Variants in PCDHA3 observed in about 807,000 individuals in gnomAD.
PCDHA3 encodes the protein protocadherin alpha-3.
PCDHA3 carries 41 observed loss-of-function variants against 62.2 expected under a neutral mutation model. The observed-to-expected ratio is 0.66, with a 90% CI of 0.51 to 0.86. PCDHA3 has a LOEUF of 0.86. Among genes scored for constraint, PCDHA3 ranks in the 40% least tolerant of loss-of-function variants. The pLI is 0.00. For synonymous variants in PCDHA3, 640 were observed against 555.4 expected, an observed-to-expected ratio of 1.15 and a Z score of -2.14; for missense variants, 1,304 against 1,241.2, an observed-to-expected ratio of 1.05 and a Z score of -0.76.
At chr5:141,005,303 A>T (rs2098205194) in intron 3 of PCDHA3, among the ~76,000 whole-genome samples, 2 of 152,212 alleles carry the variant, frequency 1.3e-5, no homozygotes, top group Non-Finnish European at 2.9e-5. Context: ...TGCCTTTGTG[A>T]ATCTTACAGT....
In PCDHA3 at chr5:140,871,231, C is replaced by A. The variant is rs371096811; in HGVS notation, c.2394+67640C>A. The A allele has an allele frequency of 1.9e-6, 3 of 1,613,814 alleles. No individual in the cohort carries two copies. The African/African-American group carries it at 4.0e-5, about 22-fold the overall frequency. On this transcript the variant is annotated intron_variant, in intron 1 of 3. Coordinates refer to ENST00000522353, the MANE Select transcript of PCDHA3 (RefSeq NM_018906.3). ...CGCCATCTGCGTGGTGTCCAGCCTC[C>A]TGGTACTCACGCTGCTGCTGTATAC...
At chr5:140,833,462 C>G (rs1291648288) in intron 1 of PCDHA3, among the ~76,000 whole-genome samples, 2 of 152,102 alleles carry the variant, frequency 1.3e-5, no homozygotes, top group Non-Finnish European at 2.9e-5. Context: ...AATAAACTTA[C>G]ATTTTAAAAG....
At position 140,979,365 on chromosome 5, in the gene PCDHA3, C is replaced by T. The variant is rs782063202; in HGVS notation, c.2453+358C>T. Among the ~76,000 whole-genome samples, 13 of 151,916 alleles carry T rather than the reference C, an allele frequency of 8.6e-5. 1 individual carries two copies. The highest frequency in any genetic ancestry group is 1.5e-5 in the Non-Finnish European group (1 of 67,992). On this transcript the variant is annotated intron_variant, in intron 2 of 3. Coordinates refer to ENST00000522353, the MANE Select transcript of PCDHA3 (RefSeq NM_018906.3). ...TGTAATTAATACTCATGCTTTGAGA[C>T]TTGGGTACATTGTGCAATGTATACA...
chr5:140,846,269 G>T (rs1676658281), intron 1 of PCDHA3, among the ~76,000 whole-genome samples: 1 of 148,838 alleles, frequency 6.7e-6, no homozygotes, highest in Admixed American at 6.7e-5. Context: ...ATGATTTAAA[G>T]TCAATTTATG....
rs1319882145 is a variant in PCDHA3, at chr5:140,858,933, A to G, written c.2394+55342A>G. ...GCTTATACTGCCATAGTAGATTTCA[A>G]TGTTCAGTGATTACAGCTTTTTCTC... is the stretch of plus-strand genomic sequence containing the variant. On this transcript the variant is annotated intron_variant, in intron 1 of 3. Transcript: ENST00000522353. The G allele has an allele frequency of 6.2e-5, 10 of 160,710 alleles. 1 individual carries two copies. The highest frequency in any genetic ancestry group is 2.4e-4 in the African/African-American group (10 of 41,146). The allele number at this position is 160,710 out of a possible 1,614,324, so 10.0% of individuals were successfully genotyped here. A position where few individuals can be genotyped will look rare whatever the true frequency, so the allele number is the denominator to read the frequency against.
At position 140,946,014 on chromosome 5, in the gene PCDHA3, C is replaced by T. The variant is rs116323983; in HGVS notation, c.2395-32935C>T. On this transcript the variant is annotated intron_variant, in intron 1 of 3. Coordinates refer to ENST00000522353, the MANE Select transcript of PCDHA3 (RefSeq NM_018906.3). ...ATTGCATCAAACTAAAAAGCTCCTG[C>T]GCAGCAAAGAAAACAAGAGTGAAGG... Among the ~76,000 whole-genome samples, 849 of 151,986 alleles carry T rather than the reference C, an allele frequency of 5.6e-3. 7 individuals carry two copies. The highest frequency in any genetic ancestry group is 0.02 in the African/African-American group (814 of 41,504).
chr5:140,976,507 C>T (rs868949957), intron 1 of PCDHA3, among the ~76,000 whole-genome samples: 2 of 151,968 alleles, frequency 1.3e-5, no homozygotes, highest in African/African-American at 4.8e-5. Context: ...GCCAAGATCG[C>T]GCCACTGCAC....
intron 1 of PCDHA3, among the ~76,000 whole-genome samples, chr5:140,971,300 A>T (rs555201828): frequency 2.0e-5 from 3 of 152,380 alleles, no homozygotes; most frequent in African/African-American, 7.2e-5. Flanking sequence ...ACTTTGGTAC[A>T]CAAACATTTA....
At chr5:140,830,856 TG>T (rs1370462098) in intron 1 of PCDHA3, 4 of 153,858 alleles carry the variant, frequency 2.6e-5, no homozygotes, top group African/African-American at 9.6e-5. Flanking sequence ...TACTCTTTTT[TG>T]ATCATATATT....
At chr5:140,834,683 G>C (rs2150224219) in intron 1 of PCDHA3, 51 of 1,614,138 alleles carry the variant, frequency 3.2e-5, no homozygotes, top group Non-Finnish European at 4.1e-5. Context: ...GGCGGAGCGC[G>C]GAGTGCAGCA....
At chr5:140,937,739 C>T (rs1563162684) in intron 1 of PCDHA3, among the ~76,000 whole-genome samples, 1 of 151,716 alleles carries the variant, frequency 6.6e-6, no homozygotes, top group African/African-American at 2.4e-5. Context: ...GGTGAAACCC[C>T]GTCTCTACTA....
At chr5:140,842,362 C>T (rs2150334597) in intron 1 of PCDHA3, 4 of 1,607,598 alleles carry the variant, frequency 2.5e-6, no homozygotes, top group Middle Eastern at 1.7e-4. Flanking sequence ...ATGATAACGT[C>T]CCTGAGATAG....
Position 140,843,508 on chromosome 5 carries a change from G to A in PCDHA3, c.2394+39917G>A, listed in dbSNP as rs2150361368. On this transcript the variant is annotated intron_variant, in intron 1 of 3. Transcript: ENST00000522353. ...TGCGGTGCTCAGCACTGCCCACTGA[G>A]GGCGGGTGCCGGGCGGGCAAGCCCA... 2.5e-6 allele frequency: 4 copies of A among 1,596,038 alleles called. No individual in the cohort carries two copies. The Admixed American group carries it at 6.7e-5, about 27-fold the overall frequency.
Position 140,802,367 on chromosome 5 carries a change from G to T in PCDHA3, c.1170G>T (p.Thr390=), listed in dbSNP as rs782105993. Residue 390 remains threonine (T), a synonymous_variant, in exon 1 of 4, where the codon ACG becomes ACT. Transcript: ENST00000522353. ...ATGGACAGGTCACCTGCTCGCTGAC[G>T]CCCCACGTCCCCTTCAAGCTGGTGT... is the stretch of plus-strand genomic sequence containing the variant. The part of the protein sequence containing the change: ...GVNGQVTCSL[T]PHVPFKLVST... The T allele has an allele frequency of 3.7e-6, 6 of 1,614,224 alleles. No homozygotes were observed. Among genetic ancestry groups the T allele is most frequent in the Non-Finnish European group, 3.4e-6 (4 of 1,180,042 alleles).
chr5:141,006,974 G>A (rs782657772), intron 3 of PCDHA3, among the ~76,000 whole-genome samples: 6 of 152,174 alleles, frequency 3.9e-5, no homozygotes, highest in Admixed American at 3.9e-4. Context: ...GGAGCACAGA[G>A]AGATGTGGGC....
At position 140,829,715 on chromosome 5, in the gene PCDHA3, G is replaced by A. The variant is rs2150173253; in HGVS notation, c.2394+26124G>A. On this transcript the variant is annotated intron_variant, in intron 1 of 3. Coordinates refer to ENST00000522353, the MANE Select transcript of PCDHA3 (RefSeq NM_018906.3). ...TCAGGTGAGCGCGCGCGACGCGGGC[G>A]TGCCGCCTCTGGGCAGCAACGTGAC... is the stretch of plus-strand genomic sequence containing the variant. 5.6e-6 allele frequency: 9 copies of A among 1,613,468 alleles called. No individual in the cohort carries two copies. The Admixed American group carries it at 1.0e-4, about 18-fold the overall frequency.
intron 3 of PCDHA3, among the ~76,000 whole-genome samples, chr5:141,003,650 A>G (rs2098132767): frequency 6.6e-6 from 1 of 152,170 alleles, no homozygotes; most frequent in Admixed American, 6.5e-5. Flanking sequence ...GAAGATCTGT[A>G]TGCATTTATT....
At chr5:140,926,899 G>T (rs1554203765) in intron 1 of PCDHA3, 28 of 1,552,028 alleles carry the variant, frequency 1.8e-5, no homozygotes, top group Non-Finnish European at 2.4e-5. Context: ...GAGGATGGTG[G>T]GCTGTGGGGT....
At chr5:140,830,537 G>A (rs2150187557) in intron 1 of PCDHA3, 1 of 1,226,140 alleles carries the variant, frequency 8.2e-7, no homozygotes, top group Non-Finnish European at 1.1e-6. Flanking sequence ...ATTTATAATT[G>A]TTTTCCTCAT....
Sources: gnomAD v4.1 joint callset for allele counts (sites outside exome capture counted in the v4.1 genomes callset) on GRCh38, gnomAD v4.1.1 for gene constraint, MANE v1.5 for transcripts, NCBI Gene and HGNC (gene_info 2026-07-23, HGNC 2026-07-21) for gene names.